SLC6A17: variants seen among roughly 807,000 people sequenced by gnomAD.
SLC6A17 encodes sodium-dependent neutral amino acid transporter SLC6A17.
Under a neutral mutation model 64.5 loss-of-function variants are expected in SLC6A17, and 21 were observed. That is an observed-to-expected ratio of 0.33 (90% confidence interval 0.23 to 0.47). The LOEUF (loss-of-function observed/expected upper bound fraction) is 0.47. Ranked by LOEUF, SLC6A17 falls within the 20% of genes least tolerant of loss-of-function variation. SLC6A17 has a pLI of 1.00. For missense variants in SLC6A17, 682 were observed against 963.2 expected (o/e 0.71, Z 3.86); for synonymous variants, 372 against 399.5 (o/e 0.93, Z 0.82).
chr1:110,160,888 T>C (rs1324264024), intron 1 of SLC6A17, among the ~76,000 whole-genome samples: 1 of 151,634 alleles, frequency 6.6e-6, no homozygotes, highest in Non-Finnish European at 1.5e-5. Flanking sequence ...CTGAAGGCAA[T>C]GTGTAGGATG....
At chr1:110,164,668 G>A (rs568516832) in intron 1 of SLC6A17, among the ~76,000 whole-genome samples, 33 of 152,208 alleles carry the variant, frequency 2.2e-4, no homozygotes, top group Non-Finnish European at 3.1e-4. Context: ...GAGGAAGCTC[G>A]TATTAGCTGA....
chr1:110,195,476 G>C, intron 9 of SLC6A17, 110 bp from the exon 10 acceptor site: 2 of 1,349,584 alleles, frequency 1.5e-6, no homozygotes, highest in Non-Finnish European at 2.1e-6. Context: ...AGGGCTGCAG[G>C]CATGCTTTGG....
At chr1:110,195,409 C>T (rs142138330) in intron 9 of SLC6A17, among the ~76,000 whole-genome samples, 177 bp from the exon 10 acceptor site, 4 of 152,328 alleles carry the variant, frequency 2.6e-5, no homozygotes, top group Admixed American at 6.5e-5. Context: ...ACTAGTAGAG[C>T]GGGGCTCAGA....
At chr1:110,168,435 T>C (rs1656131788) in intron 2 of SLC6A17, among the ~76,000 whole-genome samples, 1 of 152,244 alleles carries the variant, frequency 6.6e-6, no homozygotes, top group Non-Finnish European at 1.5e-5. Context: ...ACCTGAACTC[T>C]TGTGATTGAA....
rs1304063595 is a variant in SLC6A17, at chr1:110,194,791, A to T, written c.1492+20A>T. On this transcript the variant is annotated intron_variant, in intron 9 of 11. Transcript: ENST00000331565. ...TCACAGGTAACTCCTCCCTGCCCCC[A>T]TGCCCAGGCTCTGCAGGCTGCCCTT... The T allele has an allele frequency of 4.3e-6, 7 of 1,609,564 alleles. No homozygotes were observed. The highest frequency in any genetic ancestry group is 5.9e-6 in the Non-Finnish European group (7 of 1,179,924).
Position 110,189,582 on chromosome 1 carries a change from C to T in SLC6A17, c.865-2390C>T, listed in dbSNP as rs529999190. On this transcript the variant is annotated intron_variant, in intron 6 of 11. Coordinates refer to ENST00000331565, the MANE Select transcript of SLC6A17 (RefSeq NM_001010898.4). ...TGTGTCCCCACTTCTTTAAACCCCT[C>T]GGTGGCTTCTTGGGTTAGGTGCTTT... Among the ~76,000 whole-genome samples the T allele has an allele frequency of 1.1e-4, 16 of 152,316 alleles. No individual in the cohort carries two copies. In the South Asian group the frequency reaches 1.2e-3, roughly 12 times the overall value.
chr1:110,187,652 A>G (rs957413055), intron 6 of SLC6A17, among the ~76,000 whole-genome samples: 6 of 152,242 alleles, frequency 3.9e-5, no homozygotes, highest in Admixed American at 2.6e-4. Context: ...GAGCCCTCCC[A>G]TGAGGTGCTG....
At chr1:110,184,856 C>A (rs533082217) in intron 6 of SLC6A17, among the ~76,000 whole-genome samples, 1 of 152,170 alleles carries the variant, frequency 6.6e-6, no homozygotes, top group Admixed American at 6.5e-5. Flanking sequence ...GGGGGGTACA[C>A]CGGAAACTGA....
In SLC6A17 at chr1:110,173,813, G is replaced by A. The variant is rs186344960; in HGVS notation, c.445-160G>A. Among the ~76,000 whole-genome samples the A allele has an allele frequency of 1.3e-3, 203 of 151,406 alleles. 2 individuals are homozygous for A. Among genetic ancestry groups the A allele is most frequent in the African/African-American group, 4.7e-3 (195 of 41,356 alleles). ...TGAATGGAGCGTGAATGGAGCGTGA[G>A]GGGAGCTCCTCCACGGCCCGCACCC... On this transcript the variant is annotated intron_variant, in intron 3 of 11. Coordinates refer to ENST00000331565, the MANE Select transcript of SLC6A17 (RefSeq NM_001010898.4).
intron 1 of SLC6A17, among the ~76,000 whole-genome samples, chr1:110,159,100 A>C (rs1655833177): frequency 6.6e-6 from 1 of 152,190 alleles, no homozygotes; most frequent in Non-Finnish European, 1.5e-5. Flanking sequence ...TAAAGGAGCT[A>C]ATATCTGTTT....
chr1:110,160,099 A>G lies in SLC6A17; in HGVS notation c.-87-6744A>G, dbSNP rs951300988. Among the ~76,000 whole-genome samples the G allele has an allele frequency of 2.6e-5, 4 of 152,224 alleles. No individual in the cohort carries two copies. The East Asian group carries it at 7.7e-4, about 29-fold the overall frequency. On this transcript the variant is annotated intron_variant, in intron 1 of 11. Transcript: ENST00000331565. ...AGCTTTTCTTTCTCTTTCTCCTTCC[A>G]TCCATGTGGTAACCAGATGCAGCTG...
In SLC6A17 at chr1:110,199,643, C is replaced by T. The variant is rs545621728; in HGVS notation, c.*1199C>T. 1.1e-5 allele frequency: 3 copies of T among 277,226 alleles called. No individual in the cohort carries two copies. The highest frequency in any genetic ancestry group is 3.4e-4 in the South Asian group (2 of 5,940). The allele number at this position is 277,226 out of a possible 1,614,324, so 17.2% of individuals were successfully genotyped here. The stretch of plus-strand genomic sequence containing the variant: ...CTTCCTGGCCCACAGTGGCCAGTGC[C>T]ATAGGCAGTGCTGTGGACAGTAGAG... On this transcript the variant is annotated 3_prime_UTR_variant, in exon 12 of 12. Coordinates refer to ENST00000331565, the MANE Select transcript of SLC6A17 (RefSeq NM_001010898.4).
intron 1 of SLC6A17, among the ~76,000 whole-genome samples, chr1:110,154,939 A>G (rs1003548622): frequency 6.6e-6 from 1 of 152,082 alleles, no homozygotes; most frequent in Non-Finnish European, 1.5e-5. Flanking sequence ...GTCTTTTCCC[A>G]CAGAGAGCCC....
At position 110,166,901 on chromosome 1, in the gene SLC6A17, A is replaced by G; in HGVS notation, c.-29A>G. On this transcript the variant is annotated 5_prime_UTR_variant, in exon 2 of 12. Coordinates refer to ENST00000331565, the MANE Select transcript of SLC6A17 (RefSeq NM_001010898.4). ...ATTCCATCTTCTCTGTGTGCTGGGG[A>G]GCAGGGCTACACGGCCCAGGTGGCA... is the stretch of plus-strand genomic sequence containing the variant. 6.3e-7 allele frequency: 1 copy of G among 1,575,724 alleles called. No individual in the cohort carries two copies. The highest frequency in any genetic ancestry group is 8.6e-7 in the Non-Finnish European group (1 of 1,156,428).
rs752089524 is a variant in SLC6A17, at chr1:110,197,464, G to T, written c.1680G>T (p.Leu560=). 1 of 1,613,158 alleles carries T rather than the reference G, an allele frequency of 6.2e-7. No homozygotes were observed. The highest frequency in any genetic ancestry group is 1.3e-5 in the African/African-American group (1 of 75,030). Residue 560 remains leucine, a synonymous_variant, in exon 11 of 12, where the codon CTG becomes CTT. Transcript: ENST00000331565. ...TCATGCAGGAGCTGACGGAGATGCT[G>T]GGCTTCCGCCCCTACCGCTTCTATT... ...KKFMQELTEM[L]GFRPYRFYFY...
intron 3 of SLC6A17, 70 bp from the exon 4 acceptor site, chr1:110,173,903 T>TTA: frequency 1.3e-6 from 2 of 1,528,622 alleles, no homozygotes; most frequent in Admixed American, 1.9e-5. Context: ...GTGCTGGGCC[T>TTA]CGGGTGGAGC....
chr1:110,194,526 G>T, intron 8 of SLC6A17, 53 bp from the exon 9 acceptor site: 1 of 1,576,714 alleles, frequency 6.3e-7, no homozygotes, highest in Non-Finnish European at 8.7e-7. Flanking sequence ...GGAAGCAGTG[G>T]GCTCCCCAGG....
intron 6 of SLC6A17, among the ~76,000 whole-genome samples, chr1:110,190,183 C>A (rs1467875715): frequency 6.6e-6 from 1 of 152,064 alleles, no homozygotes; most frequent in African/African-American, 2.4e-5. Flanking sequence ...GGGAGAGGGT[C>A]TCCTCATAGA....
rs992890052 is a variant in SLC6A17 at position 110,175,377 on chromosome 1, T to C, written c.753+417T>C. On this transcript the variant is annotated intron_variant, in intron 5 of 11. Transcript: ENST00000331565. The stretch of plus-strand genomic sequence containing the variant: ...CCATGCCTACAGCTAAAGGGCCCTT[T>C]GAGCAGGTAGACGCTATGAGTGAAG... Among the ~76,000 whole-genome samples the C allele has an allele frequency of 5.3e-5, 8 of 152,144 alleles. No individual in the cohort carries two copies. In the South Asian group the frequency reaches 1.4e-3, roughly 28 times the overall value.
Sources: gnomAD v4.1 joint callset for allele counts (sites outside exome capture counted in the v4.1 genomes callset) on GRCh38, gnomAD v4.1.1 for gene constraint, MANE v1.5 for transcripts, NCBI Gene and HGNC (gene_info 2026-07-23, HGNC 2026-07-21) for gene names.